MEF2C: variants seen among roughly 807,000 people sequenced by gnomAD.
MEF2C encodes myocyte-specific enhancer factor 2C.
In MEF2C, 6 loss-of-function variants were observed where a neutral mutation model predicts 50.5. The observed-to-expected ratio is 0.12, with a 90% CI of 0.07 to 0.23. MEF2C has a LOEUF of 0.23. Among genes scored for constraint, MEF2C ranks in the 10% least tolerant of loss-of-function variants. The pLI is 1.00. For missense variants in MEF2C, 276 were observed against 605.0 expected, an observed-to-expected ratio of 0.46 and a Z score of 5.70; for synonymous variants, 183 against 228.0, an observed-to-expected ratio of 0.80 and a Z score of 1.78.
chr5:88,777,318 T>C (rs1421690633), intron 3 of MEF2C, among the ~76,000 whole-genome samples: 8 of 152,178 alleles, frequency 5.3e-5, no homozygotes, highest in Non-Finnish European at 1.2e-4. Context: ...TTACCAAGCA[T>C]GTACATGTGC....
At chr5:88,836,684 C>T (rs902988717) in intron 1 of MEF2C, among the ~76,000 whole-genome samples, 2 of 152,150 alleles carry the variant, frequency 1.3e-5, no homozygotes, top group Non-Finnish European at 2.9e-5. Context: ...CAGGAGGCTC[C>T]TTATCTCAGC....
At chr5:88,835,885 T>C (rs1009166575) in intron 1 of MEF2C, among the ~76,000 whole-genome samples, 11 of 151,628 alleles carry the variant, frequency 7.3e-5, no homozygotes, top group Non-Finnish European at 1.5e-4. Flanking sequence ...AGGCTCCCAC[T>C]TTAATTTTTA....
intron 1 of MEF2C, among the ~76,000 whole-genome samples, chr5:88,857,970 T>TA (rs1262790316): frequency 6.6e-6 from 1 of 152,210 alleles, no homozygotes; most frequent in Non-Finnish European, 1.5e-5. Flanking sequence ...AGCATGATTT[T>TA]AAAAACAATG....
chr5:88,897,809 G>A (rs1348503520), intron 1 of MEF2C, among the ~76,000 whole-genome samples: 1 of 152,114 alleles, frequency 6.6e-6, no homozygotes, highest in Non-Finnish European at 1.5e-5. Context: ...TAGTTTTCCT[G>A]TTACTGTAGA....
chr5:88,733,111 T>G, intron 6 of MEF2C: 1 of 985,178 alleles, frequency 1.0e-6, no homozygotes. Flanking sequence ...TAATCCAGAT[T>G]AAGTGTTATT....
chr5:88,730,105 A>G, intron 8 of MEF2C, 106 bp downstream of exon 8: 5 of 1,104,072 alleles, frequency 4.5e-6, no homozygotes, highest in Non-Finnish European at 6.5e-6. Flanking sequence ...ATCAATGTTG[A>G]CATACTGTGG....
chr5:88,853,198 T>C (rs573380560), intron 1 of MEF2C, among the ~76,000 whole-genome samples: 1 of 152,312 alleles, frequency 6.6e-6, no homozygotes. Context: ...TACTCCAGCC[T>C]GAGCGATGGT....
At chr5:88,782,542 C>G (rs1346072450) in intron 3 of MEF2C, among the ~76,000 whole-genome samples, 1 of 152,070 alleles carries the variant, frequency 6.6e-6, no homozygotes, top group Admixed American at 6.5e-5. Context: ...CTATAATTTG[C>G]TTTTTTAATA....
chr5:88,894,596 A>G (rs866820269), intron 1 of MEF2C, among the ~76,000 whole-genome samples: 2 of 152,224 alleles, frequency 1.3e-5, no homozygotes, highest in Non-Finnish European at 2.9e-5. Context: ...AGTAAATCCA[A>G]GCCAAATGTA....
intron 1 of MEF2C, among the ~76,000 whole-genome samples, chr5:88,863,744 G>A (rs530366159): frequency 2.6e-5 from 4 of 151,838 alleles, no homozygotes; most frequent in Non-Finnish European, 5.9e-5. Flanking sequence ...CACAGTATTT[G>A]TCTCTCTGTG....
intron 3 of MEF2C, among the ~76,000 whole-genome samples, chr5:88,789,761 C>T (rs1473621281): frequency 2.0e-5 from 3 of 152,002 alleles, no homozygotes; most frequent in Non-Finnish European, 4.4e-5. Flanking sequence ...CACTAAACAC[C>T]ATTGAGACAT....
chr5:88,748,095 C>A (rs955690127), intron 6 of MEF2C: 5 of 984,860 alleles, frequency 5.1e-6, no homozygotes, highest in Non-Finnish European at 6.0e-6. Flanking sequence ...TAGTGAAGAG[C>A]CAGCATCAGA....
intron 1 of MEF2C, among the ~76,000 whole-genome samples, chr5:88,840,643 T>G (rs1817002514): frequency 6.6e-6 from 1 of 152,172 alleles, no homozygotes; most frequent in African/African-American, 2.4e-5. Flanking sequence ...TTTTTTTTTC[T>G]CCTTGGCTTC....
chr5:88,733,566 C>T, intron 6 of MEF2C: 2 of 985,228 alleles, frequency 2.0e-6, no homozygotes, highest in Non-Finnish European at 2.4e-6. Context: ...ACTGGGAAGG[C>T]AGAGCAAAGG....
chr5:88,830,576 T>C (rs1581319379), intron 1 of MEF2C, among the ~76,000 whole-genome samples: 1 of 152,074 alleles, frequency 6.6e-6, no homozygotes, highest in Non-Finnish European at 1.5e-5. Context: ...GCAGCTAAAA[T>C]AGCATTCTCT....
At chr5:88,781,046 G>A in intron 3 of MEF2C, 1 of 551,566 alleles carries the variant, frequency 1.8e-6, no homozygotes, top group Non-Finnish European at 2.3e-6. Flanking sequence ...TATTTTGACT[G>A]GACTTAATAG....
chr5:88,801,939 T>A (rs1798545852), intron 3 of MEF2C, among the ~76,000 whole-genome samples: 1 of 152,230 alleles, frequency 6.6e-6, no homozygotes, highest in Non-Finnish European at 1.5e-5. Context: ...CCATCTTACT[T>A]CTTTTTCCAT....
intron 4 of MEF2C, among the ~76,000 whole-genome samples, chr5:88,754,822 A>G (rs1774513295): frequency 6.6e-6 from 1 of 152,224 alleles, no homozygotes; most frequent in African/African-American, 2.4e-5. Context: ...TAAAAACTCA[A>G]GATGAGAATT....
At chr5:88,825,746 G>C (rs894264132) in intron 1 of MEF2C, 1 of 456,088 alleles carries the variant, frequency 2.2e-6, no homozygotes, top group African/African-American at 2.1e-5. Flanking sequence ...TGTTAGAATG[G>C]TATTTCCCAT....
Sources: allele counts gnomAD v4.1 joint callset (sites outside exome capture counted in the v4.1 genomes callset), GRCh38; gene constraint gnomAD v4.1.1; transcripts MANE v1.5; gene names NCBI Gene and HGNC (gene_info 2026-07-23, HGNC 2026-07-21).